KCTD15: variants seen among roughly 807,000 people sequenced by gnomAD.
KCTD15 encodes the protein potassium channel tetramerization domain containing 15.
Under a neutral mutation model 27.2 loss-of-function variants are expected in KCTD15, and 11 were observed. The ratio of observed to expected loss-of-function variants is 0.41; its 90% CI spans 0.25 to 0.67. The LOEUF (loss-of-function observed/expected upper bound fraction) is 0.67. Ranked by LOEUF, KCTD15 falls within the 30% of genes least tolerant of loss-of-function variation. The pLI, the probability that KCTD15 is intolerant of heterozygous loss-of-function variation, is 0.35. For synonymous variants in KCTD15, 163 were observed against 176.0 expected (o/e 0.93, Z 0.58); for missense variants, 350 against 409.3 (o/e 0.86, Z 1.25).
intron 5 of KCTD15, among the ~76,000 whole-genome samples, chr19:33,811,034 G>A (rs1568382672): frequency 6.6e-6 from 1 of 152,170 alleles, no homozygotes. Flanking sequence ...CACATCAGCG[G>A]CTGCCCTTGG....
intron 5 of KCTD15, 38 bp from the exon 6 acceptor site, chr19:33,811,209 C>A: frequency 4.3e-6 from 3 of 696,384 alleles, no homozygotes; most frequent in Non-Finnish European, 4.2e-6. Flanking sequence ...CACCCCTACT[C>A]CGACACCCAC....
intron 6 of KCTD15, chr19:33,811,830 C>T (rs760374014): frequency 1.7e-5 from 27 of 1,605,976 alleles, no homozygotes; most frequent in Admixed American, 3.5e-5. Flanking sequence ...TTCAACAAAG[C>T]GTGCTTCATT....
At chr19:33,799,446 A>T (rs1278805242) in intron 2 of KCTD15, 1 of 152,230 alleles carries the variant, frequency 6.6e-6, no homozygotes, top group Admixed American at 6.5e-5. Context: ...AAGGGGGGTG[A>T]CTATTCACGT....
At position 33,814,835 on chromosome 19, in the gene KCTD15, C is replaced by G. The variant is rs1976046517; in HGVS notation, c.*1887C>G. The G allele has an allele frequency of 6.6e-6, 1 of 152,324 alleles. No homozygotes were observed. The highest frequency in any genetic ancestry group is 1.5e-5 in the Non-Finnish European group (1 of 68,100). 9.4% of individuals were successfully genotyped at this position (152,324 alleles called of 1,614,324 possible). A position where few individuals can be genotyped will look rare whatever the true frequency, so the allele number is the denominator to read the frequency against. On this transcript the variant is annotated 3_prime_UTR_variant, in exon 7 of 7. Coordinates refer to ENST00000683859, the MANE Select transcript of KCTD15 (RefSeq NM_001129994.2). ...CATTTTACCTGCCCTCTAAGGGCCA[C>G]CAGCTTCGACCTGCCTCAGGGGACA...
chr19:33,812,780 TC>T lies in KCTD15; in HGVS notation c.694-8del. ...CTTGGCCTTGATGACCTCTGTTTCT[TC>T]CTGGGCAGGTCCTGGAGCGGCTGTT... On this transcript the variant is annotated splice_polypyrimidine_tract_variant and intron_variant, in intron 6 of 6. Transcript: ENST00000683859. 1.4e-6 allele frequency: 2 copies of T among 1,442,560 alleles called. No homozygotes were observed. The highest frequency in any genetic ancestry group is 4.6e-4 in the Middle Eastern group (2 of 4,306). The allele number at this position is 1,442,560 out of a possible 1,614,324, so 89.4% of individuals were successfully genotyped here.
Position 33,806,866 on chromosome 19 carries a change from A to T in KCTD15, c.246A>T (p.Ile82=), listed in dbSNP as rs1975727643. Reference sequence around the variant, plus strand: ...CCACCTCGCCTGTCTCTCCCAGGATAAGCCGCCTCTTCAATGGCACTGAAC... The same window carrying T: ...CCACCTCGCCTGTCTCTCCCAGGATTAGCCGCCTCTTCAATGGCACTGAAC... ...ATLTKYPDSR[I]SRLFNGTEPI... The change falls in exon 5 of 7, where the codon ATA becomes ATT. Residue 82 remains isoleucine (I), a synonymous_variant. Coordinates refer to ENST00000683859, the MANE Select transcript of KCTD15 (RefSeq NM_001129994.2). 1.2e-6 allele frequency: 2 copies of T among 1,613,706 alleles called. No homozygotes were observed. The highest frequency in any genetic ancestry group is 1.1e-5 in the South Asian group (1 of 91,050).
At position 33,813,053 on chromosome 19, in the gene KCTD15, TG is replaced by T; in HGVS notation, c.*107del. 1 of 1,235,438 alleles carries T rather than the reference TG, an allele frequency of 8.1e-7. No homozygotes were observed. Among genetic ancestry groups the T allele is most frequent in the Non-Finnish European group, 1.1e-6 (1 of 877,642 alleles). 76.5% of individuals were successfully genotyped at this position (1,235,438 alleles called of 1,614,324 possible). On this transcript the variant is annotated 3_prime_UTR_variant, in exon 7 of 7. Transcript: ENST00000683859. ...GTGGGCATGAGACCGAGGGTGAGGCTGGAGGGTCCAAAGCTGGCCCAGCGAG... is the reference window on the plus strand; with the variant it reads ...GTGGGCATGAGACCGAGGGTGAGGCTGAGGGTCCAAAGCTGGCCCAGCGAG...
At chr19:33,806,296 T>C (rs1221088229) in intron 4 of KCTD15, among the ~76,000 whole-genome samples, 1 of 152,160 alleles carries the variant, frequency 6.6e-6, no homozygotes, top group Non-Finnish European at 1.5e-5. Flanking sequence ...CCTGGATGTG[T>C]CTGGATCTGC....
rs561833365 is a variant in KCTD15 at position 33,800,463 on chromosome 19, C to T, written c.9C>T (p.His3=). 7 of 1,605,198 alleles carry T rather than the reference C, an allele frequency of 4.4e-6. No individual in the cohort carries two copies. Among genetic ancestry groups the T allele is most frequent in the African/African-American group, 4.0e-5 (3 of 74,994 alleles). MP[H]RKERPSGSSL... is the part of the protein sequence containing the mutation. Reference sequence around the variant, plus strand: ...CAGGGATGGAAGCCTAGATGCCTCACCGCAAGGAGCGGCCGAGCGGGTCCT... The same window carrying T: ...CAGGGATGGAAGCCTAGATGCCTCATCGCAAGGAGCGGCCGAGCGGGTCCT... Residue 3 remains histidine (H), a synonymous_variant, in exon 3 of 7, where the codon CAC becomes CAT. Transcript: ENST00000683859.
In KCTD15 at chr19:33,811,255, T is replaced by A. The variant is rs1387888461; in HGVS notation, c.396T>A (p.Ser132Arg). 2 of 1,490,820 alleles carry A rather than the reference T, an allele frequency of 1.3e-6. No homozygotes were observed. The highest frequency in any genetic ancestry group is 1.8e-6 in the Non-Finnish European group (2 of 1,116,898). 92.3% of individuals were successfully genotyped at this position (1,490,820 alleles called of 1,614,324 possible). The change falls in exon 6 of 7, where the codon AGT becomes AGA. Residue 132 changes from serine to arginine, a missense_variant. Ser to Arg is a moderately radical substitution (Grantham distance 110, BLOSUM62 -1). This residue lies in a region of KCTD15 where 219 missense variants were observed against 234.9 expected (regional missense o/e 0.93). Transcript: ENST00000683859. ...LLLPDDFKDFSLLYEEARYYQ... is the reference protein window; with the variant it reads ...LLLPDDFKDFRLLYEEARYYQ... The stretch of plus-strand genomic sequence containing the variant: ...TGTGCGCCTGTCCCCAGGACTTCAG[T>A]CTGCTGTACGAGGAGGCGCGCTACT...
At chr19:33,795,485 C>A (rs1032673384), upstream of KCTD15, among the ~76,000 whole-genome samples, 1 of 151,926 alleles carries the variant, frequency 6.6e-6, no homozygotes, top group Non-Finnish European at 1.5e-5. Flanking sequence ...CAGGCCCGGC[C>A]GGAGCCGGCG....
At chr19:33,800,789 C>G in intron 3 of KCTD15, among the ~76,000 whole-genome samples, 1 of 152,210 alleles carries the variant, frequency 6.6e-6, no homozygotes, top group East Asian at 1.9e-4. Flanking sequence ...ACCCCTGAAT[C>G]CCAATTCACA....
At chr19:33,804,949 G>A (rs1158152945) in intron 4 of KCTD15, among the ~76,000 whole-genome samples, 3 of 152,228 alleles carry the variant, frequency 2.0e-5, no homozygotes, top group South Asian at 2.1e-4. Context: ...TCTTTTAAGC[G>A]ACAGCGTTTG....
At chr19:33,812,022 TG>T (rs1329403659) in intron 6 of KCTD15, 13 of 1,444,694 alleles carry the variant, frequency 9.0e-6, no homozygotes, top group Non-Finnish European at 7.3e-6. Context: ...GTCCAAGAAT[TG>T]GACAGCTCAG....
intron 2 of KCTD15, 70 bp downstream of exon 2, chr19:33,798,836 G>A (rs1464790389): frequency 6.6e-6 from 1 of 152,508 alleles, no homozygotes; most frequent in African/African-American, 2.4e-5. Context: ...ACAGAGTGGA[G>A]CGGCTTCTGT....
At chr19:33,797,263 T>TGTGTGTGTGTGTGTGTGTGTGCGC (rs1291676300) in intron 1 of KCTD15, 1 of 282,868 alleles carries the variant, frequency 3.5e-6, no homozygotes, top group Non-Finnish European at 6.9e-6. Flanking sequence ...TGTGTGTGTG[T>TGTGTGTGTGTGTGTGTGTGTGCGC]GTGTGTGTGT....
rs1568384547 is a variant in KCTD15, at chr19:33,812,972, G to A, written c.*24G>A. 1 of 1,526,956 alleles carries A rather than the reference G, an allele frequency of 6.5e-7. No individual in the cohort carries two copies. 94.6% of individuals were successfully genotyped at this position (1,526,956 alleles called of 1,614,324 possible). On this transcript the variant is annotated 3_prime_UTR_variant, in exon 7 of 7. Coordinates refer to ENST00000683859, the MANE Select transcript of KCTD15 (RefSeq NM_001129994.2). ...AGGCCCTGCTTCAGTGCCCACCTGG[G>A]CCCCCCCAGGGACCTGGAAACAGTG... is the stretch of plus-strand genomic sequence containing the variant.
chr19:33,812,793 C>T lies in KCTD15; in HGVS notation c.697C>T (p.Leu233=). 4.8e-6 allele frequency: 7 copies of T among 1,467,794 alleles called. No individual in the cohort carries two copies. The highest frequency in any genetic ancestry group is 6.3e-6 in the Non-Finnish European group (7 of 1,104,886). 90.9% of individuals were successfully genotyped at this position (1,467,794 alleles called of 1,614,324 possible). A position where few individuals can be genotyped will look rare whatever the true frequency, so the allele number is the denominator to read the frequency against. The part of the protein sequence containing the change: ...GYCRLNSVQV[L]ERLFQRGFSV... The stretch of plus-strand genomic sequence containing the variant: ...ACCTCTGTTTCTTCCTGGGCAGGTC[C>T]TGGAGCGGCTGTTCCAGAGGGGTTT... The change falls in exon 7 of 7, where the codon CTG becomes TTG. Residue 233 remains leucine (L), a synonymous_variant. Transcript: ENST00000683859.
chr19:33,813,012 C>A lies in KCTD15; in HGVS notation c.*64C>A. 6.8e-7 allele frequency: 1 copy of A among 1,475,302 alleles called. No individual in the cohort carries two copies. Among genetic ancestry groups the A allele is most frequent in the East Asian group, 2.5e-5 (1 of 40,586 alleles). The allele number at this position is 1,475,302 out of a possible 1,614,324, so 91.4% of individuals were successfully genotyped here. A position where few individuals can be genotyped will look rare whatever the true frequency, so the allele number is the denominator to read the frequency against. ...TGGAAACAGTGCTGGGGAGTTCTGC[C>A]TGTGTATACTTGGCCGTGGGCATGA... On this transcript the variant is annotated 3_prime_UTR_variant, in exon 7 of 7. Transcript: ENST00000683859.
Sources: allele counts gnomAD v4.1 joint callset (sites outside exome capture counted in the v4.1 genomes callset), GRCh38; gene constraint gnomAD v4.1.1; regional missense constraint gnomAD v4.1.1; transcripts MANE v1.5; gene names NCBI Gene and HGNC (gene_info 2026-07-23, HGNC 2026-07-21).